Variants in SLC10A6 observed in about 807,000 individuals in gnomAD.
SLC10A6 encodes the protein sodium-dependent organic anion transporter.
In SLC10A6, 27 loss-of-function variants were observed where a neutral mutation model predicts 30.0. The observed-to-expected ratio is 0.90, with a 90% CI of 0.66 to 1.24. SLC10A6 has a LOEUF of 1.24. Ranked by LOEUF, SLC10A6 falls within the 50% of genes most tolerant of loss-of-function variation. SLC10A6 has a pLI of 0.00. For missense variants in SLC10A6, 439 were observed against 457.0 expected, an observed-to-expected ratio of 0.96 and a Z score of 0.36; for synonymous variants, 166 against 173.8, an observed-to-expected ratio of 0.95 and a Z score of 0.36.
chr4:86,831,900 A>G lies in SLC10A6; in HGVS notation c.497-20T>C. On this transcript the variant is annotated intron_variant, in intron 2 of 5. Coordinates refer to ENST00000273905, the MANE Select transcript of SLC10A6 (RefSeq NM_197965.3). ...TAATTCCTAAAGAGAAGAAAAATCCATGAGAGGGTTTTCCCTCTCACCCTG... is the reference window on the plus strand; with the variant it reads ...TAATTCCTAAAGAGAAGAAAAATCCGTGAGAGGGTTTTCCCTCTCACCCTG... 1 of 1,599,258 alleles carries G rather than the reference A, an allele frequency of 6.3e-7. No individual in the cohort carries two copies. The highest frequency in any genetic ancestry group is 8.6e-7 in the Non-Finnish European group (1 of 1,169,166).
intron 1 of SLC10A6, among the ~76,000 whole-genome samples, chr4:86,840,605 T>C (rs1386361107): frequency 6.6e-6 from 1 of 152,246 alleles, no homozygotes; most frequent in East Asian, 1.9e-4. Context: ...CCATTTTTTC[T>C]ATTAATATAT....
intron 1 of SLC10A6, among the ~76,000 whole-genome samples, chr4:86,836,801 A>G (rs963214552): frequency 6.6e-6 from 1 of 152,162 alleles, no homozygotes; most frequent in Non-Finnish European, 1.5e-5. Context: ...TCTGTCGCCC[A>G]GGCTGGAGTG....
chr4:86,833,410 G>T lies in SLC10A6; in HGVS notation c.392C>A (p.Thr131Asn), dbSNP rs1341685347. 10 of 1,613,196 alleles carry T rather than the reference G, an allele frequency of 6.2e-6. No individual in the cohort carries two copies. Among genetic ancestry groups the T allele is most frequent in the East Asian group, 4.5e-5 (2 of 44,870 alleles). The change falls in exon 2 of 6, where the codon ACC becomes AAC. Residue 131 changes from threonine to asparagine, a missense_variant. Thr to Asn is a moderately conservative substitution (Grantham distance 65). Transcript: ENST00000273905. ...GDMDLSISMT[T>N]CSTVAALGMM... ...TCCCAGGGCGGCCACGGTGGAACAG[G>T]TTGTCATACTGATGCTGAAAGTAAA... is the stretch of plus-strand genomic sequence containing the variant.
At chr4:86,844,367 C>T (rs1406429246) in intron 1 of SLC10A6, among the ~76,000 whole-genome samples, 1 of 152,100 alleles carries the variant, frequency 6.6e-6, no homozygotes, top group Non-Finnish European at 1.5e-5. Context: ...GAATTCTGTC[C>T]ATCTCTAGTA....
chr4:86,848,610 G>C, intron 1 of SLC10A6, 129 bp downstream of exon 1: 1 of 1,224,242 alleles, frequency 8.2e-7, no homozygotes, highest in Non-Finnish European at 1.1e-6. Context: ...ACAAGTCTCT[G>C]TGATATTTGT....
At chr4:86,830,927 G>A (rs568556502) in intron 3 of SLC10A6, among the ~76,000 whole-genome samples, 10 of 152,158 alleles carry the variant, frequency 6.6e-5, no homozygotes, top group Admixed American at 1.3e-4. Context: ...AAGCACCCTA[G>A]GAGACTCACA....
In SLC10A6 at chr4:86,835,761, G is replaced by GAGAAAGA. The variant is rs1553899072; in HGVS notation, c.378-2338_378-2337insTCTTTCT. 6.4e-3 allele frequency among the ~76,000 whole-genome samples: 975 copies of GAGAAAGA among 151,266 alleles called. 15 individuals carry two copies. Among genetic ancestry groups the GAGAAAGA allele is most frequent in the African/African-American group, 0.022 (916 of 41,140 alleles). On this transcript the variant is annotated intron_variant, in intron 1 of 5. Transcript: ENST00000273905. ...AAAGAAAGAAAGAGAGAGAGAGAGA[G>GAGAAAGA]AAAGAAAAGAAAAGAAAAGGAAGGG...
Position 86,833,365 on chromosome 4 carries a change from T to C in SLC10A6, c.437A>G (p.Tyr146Cys). Reference protein sequence around the residue: ...AALGMMPLCIYLYTWSWSLQQ... With the variant: ...AALGMMPLCICLYTWSWSLQQ... Reference sequence around the variant, plus strand: ...AAGACTCCAGGACCAGGTGTAGAGATAAATGCAGAGTGGCATCATTCCCAG... The same window carrying C: ...AAGACTCCAGGACCAGGTGTAGAGACAAATGCAGAGTGGCATCATTCCCAG... Residue 146 changes from tyrosine to cysteine, a missense_variant, in exon 2 of 6, where the codon TAT (tyrosine) becomes TGT (cysteine). By Grantham distance (194) the Tyr-to-Cys change is radical (BLOSUM62 -2). Coordinates refer to ENST00000273905, the MANE Select transcript of SLC10A6 (RefSeq NM_197965.3). 6.2e-7 allele frequency: 1 copy of C among 1,614,124 alleles called. No homozygotes were observed. Among genetic ancestry groups the C allele is most frequent in the Non-Finnish European group, 8.5e-7 (1 of 1,179,986 alleles).
In SLC10A6 at chr4:86,825,528, T is replaced by C; in HGVS notation, c.811A>G (p.Ile271Val). ...ETGAQNIQMC[I>V]TMLQLSFTAE... Reference sequence around the variant, plus strand: ...GTGAAAGATAACTGGAGCATGGTGATGCACATCTGAATATTCTGAGCTCCA... The same window carrying C: ...GTGAAAGATAACTGGAGCATGGTGACGCACATCTGAATATTCTGAGCTCCA... Residue 271 changes from isoleucine to valine, a missense_variant, in exon 5 of 6, where the codon ATC becomes GTC. Ile to Val is a conservative substitution (Grantham distance 29). Coordinates refer to ENST00000273905, the MANE Select transcript of SLC10A6 (RefSeq NM_197965.3). 1 of 1,612,380 alleles carries C rather than the reference T, an allele frequency of 6.2e-7. No homozygotes were observed. Among genetic ancestry groups the C allele is most frequent in the Non-Finnish European group, 8.5e-7 (1 of 1,178,542 alleles).
At chr4:86,830,715 G>A (rs568737450) in intron 3 of SLC10A6, among the ~76,000 whole-genome samples, 3 of 152,158 alleles carry the variant, frequency 2.0e-5, no homozygotes, top group East Asian at 1.9e-4. Context: ...AGAGCCAAAC[G>A]GCAAAAGCTT....
At chr4:86,835,700 CAAGAAAAG>C (rs1746170181) in intron 1 of SLC10A6, among the ~76,000 whole-genome samples, 1 of 132,774 alleles carries the variant, frequency 7.5e-6, no homozygotes, top group Admixed American at 7.6e-5. Flanking sequence ...CGAAAAGACA[CAAGAAAAG>C]AAGAAAAGAA....
rs1745918902 is a variant in SLC10A6 at position 86,823,636 on chromosome 4, T to C, written c.*52A>G. 6.9e-7 allele frequency: 1 copy of C among 1,442,806 alleles called. No homozygotes were observed. Among genetic ancestry groups the C allele is most frequent in the African/African-American group, 1.4e-5 (1 of 70,476 alleles). 89.4% of individuals were successfully genotyped at this position (1,442,806 alleles called of 1,614,324 possible). A position where few individuals can be genotyped will look rare whatever the true frequency, so the allele number is the denominator to read the frequency against. On this transcript the variant is annotated 3_prime_UTR_variant, in exon 6 of 6. Coordinates refer to ENST00000273905, the MANE Select transcript of SLC10A6 (RefSeq NM_197965.3). Reference sequence around the variant, plus strand: ...AGATTCATGTGTCAGCTGCACACTGTCTTTACTGGCCACTGAAAAAGAAGG... The same window carrying C: ...AGATTCATGTGTCAGCTGCACACTGCCTTTACTGGCCACTGAAAAAGAAGG...
At position 86,849,043 on chromosome 4, in the gene SLC10A6, C is replaced by T. The variant is rs777488263; in HGVS notation, c.73G>A (p.Glu25Lys). ...SSEEELPVGL[E>K]VHGNLELVFT... is the part of the protein sequence containing the mutation. ...ACGAGCTCCAGGTTTCCATGCACCT[C>T]CAGTCCCACTGGCAGCTCCTCCTCT... Residue 25 changes from glutamate to lysine, a missense_variant, in exon 1 of 6, where the codon GAG (glutamate) becomes AAG (lysine). By Grantham distance (56) the Glu-to-Lys change is moderately conservative. Coordinates refer to ENST00000273905, the MANE Select transcript of SLC10A6 (RefSeq NM_197965.3). The T allele has an allele frequency of 3.1e-6, 5 of 1,614,204 alleles. No individual in the cohort carries two copies. The South Asian group carries it at 5.5e-5, about 18-fold the overall frequency.
chr4:86,829,146 C>T (rs975943198), intron 3 of SLC10A6, among the ~76,000 whole-genome samples: 3 of 152,148 alleles, frequency 2.0e-5, no homozygotes, highest in South Asian at 2.1e-4. Context: ...CATGGTGGCT[C>T]ATGTCTGTAA....
intron 3 of SLC10A6, among the ~76,000 whole-genome samples, chr4:86,829,165 C>T (rs924526305): frequency 6.6e-6 from 1 of 152,104 alleles, no homozygotes. Flanking sequence ...AATCCCAGAA[C>T]TTTGGGAGGC....
At chr4:86,841,231 G>A (rs1746283887) in intron 1 of SLC10A6, among the ~76,000 whole-genome samples, 1 of 152,168 alleles carries the variant, frequency 6.6e-6, no homozygotes, top group South Asian at 2.1e-4. Context: ...ATATCCGACT[G>A]ATTCTATATC....
chr4:86,823,958 G>T, intron 5 of SLC10A6, 56 bp from the exon 6 acceptor site: 6 of 1,489,662 alleles, frequency 4.0e-6, no homozygotes, highest in South Asian at 1.3e-5. Flanking sequence ...GTCTAATTTG[G>T]TGACACTGTA....
intron 2 of SLC10A6, among the ~76,000 whole-genome samples, chr4:86,832,637 C>T (rs1746099975): frequency 2.6e-5 from 4 of 151,314 alleles, no homozygotes; most frequent in Admixed American, 2.6e-4. Context: ...TTTTCAAAAA[C>T]TGACCACACT....
chr4:86,826,473 C>T (rs1455471551), intron 4 of SLC10A6, among the ~76,000 whole-genome samples: 3 of 151,826 alleles, frequency 2.0e-5, no homozygotes, highest in Non-Finnish European at 4.4e-5. Flanking sequence ...CCCAGCTACT[C>T]GGGAGGCTGA....
Sources: gnomAD v4.1 joint callset for allele counts (sites outside exome capture counted in the v4.1 genomes callset) on GRCh38, gnomAD v4.1.1 for gene constraint, MANE v1.5 for transcripts, NCBI Gene and HGNC (gene_info 2026-07-23, HGNC 2026-07-21) for gene names.